Variants in LEKR1 observed in about 807,000 individuals in gnomAD.
The protein encoded by LEKR1 is leucine, glutamate and lysine rich 1.
In LEKR1, 59 loss-of-function variants were observed where a neutral mutation model predicts 72.4. The observed-to-expected ratio is 0.82, with a 90% CI of 0.66 to 1.01. The LOEUF (loss-of-function observed/expected upper bound fraction) is 1.01, where lower values mean the gene tolerates loss of function less well. Among genes scored for constraint, LEKR1 ranks in the 50% least tolerant of loss-of-function variants. The probability of loss-of-function intolerance (pLI) is 0.00; values close to 1 mark genes in which losing one functional copy is unlikely to be tolerated. For synonymous variants in LEKR1, 257 were observed against 263.2 expected (o/e 0.98, Z 0.23); for missense variants, 728 against 759.2 (o/e 0.96, Z 0.48).
rs1192446107 is a variant in LEKR1, at chr3:156,995,339, GAGA to G, written c.1109+2065_1109+2067del. ...TAATCTTACCCTCTAAATGTTGAAT[GAGA>G]AGGACAGTTTCTATCAGCTTTCAGA... On this transcript the variant is annotated intron_variant, in intron 9 of 12. Transcript: ENST00000356539. Among the ~76,000 whole-genome samples, 6 of 152,280 alleles carry G rather than the reference GAGA, an allele frequency of 3.9e-5. No individual in the cohort carries two copies. In the East Asian group the frequency reaches 5.8e-4, roughly 15 times the overall value.
chr3:156,829,886 C>A (rs1712137295), intron 2 of LEKR1, among the ~76,000 whole-genome samples: 1 of 151,980 alleles, frequency 6.6e-6, no homozygotes, highest in African/African-American at 2.4e-5. Flanking sequence ...CACAGGCGAA[C>A]CAAGTAGCCT....
At chr3:156,875,722 G>A (rs920140987) in intron 3 of LEKR1, among the ~76,000 whole-genome samples, 10 of 152,060 alleles carry the variant, frequency 6.6e-5, no homozygotes, top group Admixed American at 4.6e-4. Flanking sequence ...TGAGCCGGGC[G>A]TGGTGGCTCA....
chr3:156,876,347 G>GT (rs1718577895), intron 3 of LEKR1, among the ~76,000 whole-genome samples: 2 of 152,096 alleles, frequency 1.3e-5, no homozygotes, highest in Non-Finnish European at 2.9e-5. Context: ...TTTTAAGATT[G>GT]TTTTTTCTAG....
At chr3:157,014,905 C>T (rs971739454) in intron 10 of LEKR1, among the ~76,000 whole-genome samples, 2 of 152,126 alleles carry the variant, frequency 1.3e-5, no homozygotes, top group Admixed American at 6.6e-5. Context: ...GAATCCACCT[C>T]CATGTATCTA....
rs1241889658 is a variant in LEKR1 at position 157,024,887 on chromosome 3, A to G, written c.1331A>G (p.Gln444Arg). Reference protein sequence around the residue: ...IEKEKHQDVIQKYKKEQEELQ... With the variant: ...IEKEKHQDVIRKYKKEQEELQ... ...AAAGAAAAACACCAAGATGTAATCC[A>G]AAAGTATAAGAAAGAACAAGAGGAA... The change falls in exon 11 of 13, where the codon CAA becomes CGA. Residue 444 changes from glutamine (Q) to arginine (R), a missense_variant. Transcript: ENST00000356539. 3.7e-6 allele frequency: 6 copies of G among 1,604,692 alleles called. No individual in the cohort carries two copies. The South Asian group carries it at 6.7e-5, about 18-fold the overall frequency.
chr3:156,961,227 A>G (rs745735737), intron 6 of LEKR1, among the ~76,000 whole-genome samples: 1 of 152,264 alleles, frequency 6.6e-6, no homozygotes, highest in Admixed American at 6.5e-5. Flanking sequence ...GATTTTGCAT[A>G]TAACATTTTA....
chr3:157,019,060 CAG>C (rs1733605409), intron 10 of LEKR1, among the ~76,000 whole-genome samples: 1 of 152,066 alleles, frequency 6.6e-6, no homozygotes, highest in African/African-American at 2.4e-5. Context: ...AATTTGCAAT[CAG>C]TATTCATTTT....
chr3:156,908,601 C>T (rs1722770476), intron 3 of LEKR1, among the ~76,000 whole-genome samples: 1 of 152,154 alleles, frequency 6.6e-6, no homozygotes, highest in Admixed American at 6.6e-5. Context: ...CTGTTGAGCT[C>T]TTCTTTACTT....
chr3:156,965,220 C>T (rs1339437096), intron 6 of LEKR1, among the ~76,000 whole-genome samples: 1 of 152,092 alleles, frequency 6.6e-6, no homozygotes, highest in Non-Finnish European at 1.5e-5. Context: ...GGTAAACACA[C>T]ATATACACAC....
intron 7 of LEKR1, among the ~76,000 whole-genome samples, chr3:156,990,852 A>G (rs1439590195): frequency 2.6e-5 from 4 of 152,184 alleles, no homozygotes; most frequent in African/African-American, 9.6e-5. Context: ...AGTTATTTCT[A>G]TGAGTAGTCC....
chr3:156,908,478 A>AT (rs558908490), intron 3 of LEKR1, among the ~76,000 whole-genome samples: 125 of 152,138 alleles, frequency 8.2e-4, no homozygotes, highest in African/African-American at 2.9e-3. Context: ...ATTCACTTTA[A>AT]TTTTTTGGGT....
At chr3:156,965,346 T>TA (rs1365626663) in intron 6 of LEKR1, among the ~76,000 whole-genome samples, 1 of 152,092 alleles carries the variant, frequency 6.6e-6, no homozygotes, top group East Asian at 1.9e-4. Context: ...AATGTTAAGA[T>TA]TAAAAAACGC....
At chr3:156,912,466 A>G (rs1223182920) in intron 3 of LEKR1, among the ~76,000 whole-genome samples, 2 of 152,180 alleles carry the variant, frequency 1.3e-5, no homozygotes, top group East Asian at 3.8e-4. Context: ...TCTCACTTGC[A>G]GTATTCACTT....
At chr3:156,883,593 A>G (rs1719724328) in intron 3 of LEKR1, among the ~76,000 whole-genome samples, 1 of 152,310 alleles carries the variant, frequency 6.6e-6, no homozygotes. Flanking sequence ...TAATTGAATC[A>G]TGGGGGTAGT....
intron 3 of LEKR1, among the ~76,000 whole-genome samples, chr3:156,863,923 A>G (rs930643697): frequency 8.5e-5 from 13 of 152,144 alleles, no homozygotes; most frequent in African/African-American, 2.9e-4. Flanking sequence ...TAGCAACTCA[A>G]CCAGGGTTGG....
intron 3 of LEKR1, among the ~76,000 whole-genome samples, chr3:156,860,887 T>C (rs1716686356): frequency 6.6e-6 from 1 of 152,214 alleles, no homozygotes; most frequent in African/African-American, 2.4e-5. Flanking sequence ...ACTGGTCTTA[T>C]GATTTCATCA....
intron 6 of LEKR1, among the ~76,000 whole-genome samples, chr3:156,948,545 T>G (rs1219867243): frequency 6.6e-6 from 1 of 151,096 alleles, no homozygotes; most frequent in East Asian, 1.9e-4. Context: ...ATAATAATGC[T>G]GACAGTGAAC....
chr3:156,919,415 T>C (rs930128041), intron 3 of LEKR1, among the ~76,000 whole-genome samples: 34 of 152,192 alleles, frequency 2.2e-4, no homozygotes, highest in African/African-American at 7.5e-4. Context: ...GGACAGCTAC[T>C]ATGCTGCCAT....
chr3:156,904,742 T>A (rs1304340907), intron 3 of LEKR1, among the ~76,000 whole-genome samples: 1 of 151,810 alleles, frequency 6.6e-6, no homozygotes, highest in East Asian at 1.9e-4. Context: ...TAAGCACACC[T>A]CTTCCTTGTC....
Sources: allele counts gnomAD v4.1 joint callset (sites outside exome capture counted in the v4.1 genomes callset), GRCh38; gene constraint gnomAD v4.1.1; transcripts MANE v1.5; gene names NCBI Gene and HGNC (gene_info 2026-07-23, HGNC 2026-07-21).